The following GRIK2 variants were observed in gnomAD, a reference collection of about 807,000 sequenced individuals.
GRIK2 encodes the protein glutamate ionotropic receptor kainate type subunit 2, also known as glutamate receptor ionotropic, kainate 2.
In GRIK2, 32 loss-of-function variants were observed where a neutral mutation model predicts 100.3. That is an observed-to-expected ratio of 0.32 (90% CI 0.24 to 0.43). GRIK2 has a LOEUF of 0.43. Among genes scored for constraint, GRIK2 ranks in the 20% least tolerant of loss-of-function variants. GRIK2 has a pLI of 1.00. For synonymous variants in GRIK2, 417 were observed against 389.4 expected (o/e 1.07, Z -0.83); for missense variants, 843 against 1,114.9 (o/e 0.76, Z 3.47).
chr6:101,990,164 G>A (rs1434902286), intron 14 of GRIK2, among the ~76,000 whole-genome samples: 2 of 151,554 alleles, frequency 1.3e-5, no homozygotes, highest in Non-Finnish European at 3.0e-5. Context: ...CACCCTAATA[G>A]TACAGTGAGT....
chr6:101,876,523 C>T (rs1477313788), intron 11 of GRIK2, among the ~76,000 whole-genome samples: 4 of 143,218 alleles, frequency 2.8e-5, no homozygotes, highest in African/African-American at 5.6e-5. Context: ...ACACACAAAA[C>T]CTCATCCCTG....
chr6:101,626,502 C>T lies in GRIK2; in HGVS notation c.406C>T (p.His136Tyr). ...TCCCCACATACAGACCCGCTGGAAG[C>T]ACCAGGTGTCAGACAACAAAGATTC... is the stretch of plus-strand genomic sequence containing the variant. ...GVPHIQTRWK[H>Y]QVSDNKDSFY... The change falls in exon 4 of 17, where the codon CAC becomes TAC. Residue 136 changes from histidine (H) to tyrosine (Y), a missense_variant. By Grantham distance (83) the His-to-Tyr change is moderately conservative. Transcript: ENST00000369134. The T allele has an allele frequency of 1.2e-6, 2 of 1,613,976 alleles. No individual in the cohort carries two copies. The highest frequency in any genetic ancestry group is 1.1e-5 in the South Asian group (1 of 91,080).
intron 2 of GRIK2, among the ~76,000 whole-genome samples, chr6:101,429,990 C>A (rs1769286786): frequency 1.3e-5 from 2 of 152,112 alleles, no homozygotes; most frequent in Non-Finnish European, 2.9e-5. Flanking sequence ...CTTTGTAGAC[C>A]AGCAAGACAG....
intron 11 of GRIK2, among the ~76,000 whole-genome samples, chr6:101,886,484 T>A (rs1326413867): frequency 6.6e-6 from 1 of 151,994 alleles, no homozygotes. Flanking sequence ...TTTTAAGCAA[T>A]GCTAAATAAA....
intron 10 of GRIK2, among the ~76,000 whole-genome samples, chr6:101,825,046 A>G (rs1438578855): frequency 6.6e-6 from 1 of 152,186 alleles, no homozygotes; most frequent in Non-Finnish European, 1.5e-5. Flanking sequence ...ATTGTGGTAG[A>G]AGGACTGTCA....
intron 11 of GRIK2, among the ~76,000 whole-genome samples, chr6:101,886,850 A>G (rs1183125647): frequency 3.0e-5 from 4 of 131,696 alleles, no homozygotes; most frequent in Admixed American, 2.5e-4. Context: ...TTTTGGAGAC[A>G]GAGTCTCCCT....
intron 14 of GRIK2, among the ~76,000 whole-genome samples, chr6:102,020,048 AG>A (rs1346143089): frequency 6.6e-6 from 1 of 151,984 alleles, no homozygotes; most frequent in Non-Finnish European, 1.5e-5. Flanking sequence ...AGTCCTCTTT[AG>A]GTTAAAAAGA....
At chr6:102,058,762 A>C (rs1291171039) in intron 16 of GRIK2, among the ~76,000 whole-genome samples, 2 of 151,458 alleles carry the variant, frequency 1.3e-5, no homozygotes, top group African/African-American at 4.8e-5. Context: ...CACTTGTGAG[A>C]TCCATTATTT....
intron 2 of GRIK2, among the ~76,000 whole-genome samples, chr6:101,539,203 G>C (rs941462259): frequency 1.3e-5 from 2 of 151,616 alleles, no homozygotes; most frequent in African/African-American, 4.8e-5. Context: ...GTTGTAGATA[G>C]CAAATTTTAC....
intron 9 of GRIK2, among the ~76,000 whole-genome samples, chr6:101,806,679 G>T (rs1312846426): frequency 2.0e-5 from 3 of 148,288 alleles, no homozygotes; most frequent in Admixed American, 6.8e-5. Context: ...TATCACTTTG[G>T]CATAGAGTAA....
At chr6:101,971,484 A>T (rs538287830) in intron 14 of GRIK2, among the ~76,000 whole-genome samples, 2 of 151,984 alleles carry the variant, frequency 1.3e-5, no homozygotes, top group Non-Finnish European at 2.9e-5. Context: ...AGATTCTGTT[A>T]TGTGGGCATG....
chr6:101,862,305 C>T (rs1784776825), intron 11 of GRIK2, among the ~76,000 whole-genome samples: 1 of 152,176 alleles, frequency 6.6e-6, no homozygotes, highest in South Asian at 2.1e-4. Context: ...TACCAGGAAG[C>T]CATATTTTGG....
intron 14 of GRIK2, among the ~76,000 whole-genome samples, chr6:102,016,590 G>A (rs1183280520): frequency 6.7e-6 from 1 of 148,800 alleles, no homozygotes; most frequent in Non-Finnish European, 1.5e-5. Flanking sequence ...AAAATGAAAA[G>A]GGCCAAACAA....
At chr6:101,699,099 A>G (rs1358998559) in intron 7 of GRIK2, among the ~76,000 whole-genome samples, 1 of 152,168 alleles carries the variant, frequency 6.6e-6, no homozygotes, top group Non-Finnish European at 1.5e-5. Flanking sequence ...TATTCAAGCT[A>G]GAGAATTTCA....
At chr6:101,650,534 A>G (rs1164483151) in intron 4 of GRIK2, among the ~76,000 whole-genome samples, 2 of 152,134 alleles carry the variant, frequency 1.3e-5, no homozygotes, top group Non-Finnish European at 2.9e-5. Flanking sequence ...AGTGAGGTGC[A>G]TTAGCAGAAA....
At chr6:101,930,906 A>G (rs1015080286) in intron 14 of GRIK2, among the ~76,000 whole-genome samples, 19 of 152,072 alleles carry the variant, frequency 1.2e-4, no homozygotes, top group Admixed American at 4.6e-4. Context: ...TCTATTTCCA[A>G]CAGCACATAT....
intron 7 of GRIK2, among the ~76,000 whole-genome samples, chr6:101,797,388 A>T (rs1171004942): frequency 1.3e-5 from 2 of 151,804 alleles, no homozygotes; most frequent in Non-Finnish European, 2.9e-5. Context: ...GGGCTTCCCC[A>T]CTTGTTAGCT....
chr6:101,447,239 C>A (rs1008670921), intron 2 of GRIK2, among the ~76,000 whole-genome samples: 2 of 151,286 alleles, frequency 1.3e-5, no homozygotes, highest in Non-Finnish European at 3.0e-5. Flanking sequence ...GAAAAAGGTA[C>A]CTAAGGTTTA....
At chr6:101,869,410 T>C (rs1055072249) in intron 11 of GRIK2, among the ~76,000 whole-genome samples, 27 of 151,966 alleles carry the variant, frequency 1.8e-4, no homozygotes, top group Admixed American at 1.7e-3. Context: ...GCCAAAATCA[T>C]GTGCCTTCAT....
Sources: gnomAD v4.1 joint callset for allele counts (sites outside exome capture counted in the v4.1 genomes callset) on GRCh38, gnomAD v4.1.1 for gene constraint, MANE v1.5 for transcripts, NCBI Gene and HGNC (gene_info 2026-07-23, HGNC 2026-07-21) for gene names.